The following CHD1L variants were observed in gnomAD, a reference collection of about 807,000 sequenced individuals.
The protein encoded by CHD1L is chromodomain helicase DNA binding protein 1 like.
CHD1L carries 118 observed loss-of-function variants against 115.9 expected under a neutral mutation model. The ratio of observed to expected loss-of-function variants is 1.02; its 90% CI spans 0.88 to 1.19. The LOEUF (loss-of-function observed/expected upper bound fraction) is 1.19. CHD1L is among the 50% of genes most tolerant of loss of function. The pLI, the probability that CHD1L is intolerant of heterozygous loss-of-function variation, is 0.00. For missense variants in CHD1L, 1,179 were observed against 1,065.3 expected, an observed-to-expected ratio of 1.11 and a Z score of -1.49; for synonymous variants, 411 against 387.1, an observed-to-expected ratio of 1.06 and a Z score of -0.72.
At chr1:147,186,767 G>A in the CHD1L span, 2 of 1,460,670 alleles carry the variant, frequency 1.4e-6, no homozygotes, top group Non-Finnish European at 1.8e-6. Flanking sequence ...AAAGGAAAGT[G>A]AATTAATGCT....
intron 1 of CHD1L, among the ~76,000 whole-genome samples, chr1:147,247,731 T>A (rs1553934461): frequency 6.6e-6 from 1 of 152,194 alleles, no homozygotes; most frequent in African/African-American, 2.4e-5. Context: ...TGTCTTTGGG[T>A]ATCAGCAGAG....
chr1:147,212,616 G>T, the CHD1L span: 1 of 1,343,424 alleles, frequency 7.4e-7, no homozygotes, highest in Non-Finnish European at 1.0e-6. Context: ...TTTTTTTGCA[G>T]ACTTAAGTTT....
the CHD1L span, among the ~76,000 whole-genome samples, chr1:147,194,488 G>T: frequency 6.6e-6 from 1 of 152,096 alleles, no homozygotes; most frequent in Non-Finnish European, 1.5e-5. Flanking sequence ...ATTTTAATTG[G>T]AGCATTTAGC....
At chr1:147,190,107 A>G in the CHD1L span, 2 of 1,038,956 alleles carry the variant, frequency 1.9e-6, no homozygotes. Context: ...AGTTAAATAC[A>G]GTACAATATT....
At chr1:147,200,211 G>C in the CHD1L span, among the ~76,000 whole-genome samples, 5,613 of 152,210 alleles carry the variant, frequency 0.037, 147 homozygotes, top group South Asian at 0.095. Context: ...TAACCCTCAA[G>C]ATTTCACTCC....
rs200226258 is a variant in CHD1L, at chr1:147,276,133, G to A, written c.1415G>A (p.Arg472Gln). The change falls in exon 14 of 23, where the codon CGA becomes CAA. Residue 472 changes from arginine to glutamine, a missense_variant. By Grantham distance (43) the Arg-to-Gln change is conservative. Coordinates refer to ENST00000369258, the MANE Select transcript of CHD1L (RefSeq NM_004284.6). ...GTTAAAGTTATTCGGCTGATTGGTC[G>A]AGACACTGTGGAAGAAATAGTCTAT... is the stretch of plus-strand genomic sequence containing the variant. ...KSVKVIRLIGRDTVEEIVYRK... is the reference protein window; with the variant it reads ...KSVKVIRLIGQDTVEEIVYRK... 1.1e-4 allele frequency: 180 copies of A among 1,613,944 alleles called. No homozygotes were observed. Among genetic ancestry groups the A allele is most frequent in the Non-Finnish European group, 1.4e-4 (164 of 1,180,010 alleles).
At chr1:147,186,582 C>A in the CHD1L span, 3 of 1,044,018 alleles carry the variant, frequency 2.9e-6, no homozygotes, top group South Asian at 1.3e-4. Context: ...ATTTGATAAA[C>A]AACAAACATT....
At chr1:147,282,084 A>G (rs1219887745) in intron 15 of CHD1L, among the ~76,000 whole-genome samples, 23 of 152,242 alleles carry the variant, frequency 1.5e-4, no homozygotes, top group Admixed American at 5.2e-4. Context: ...AGTTTCCCCA[A>G]CCGTCTGGTA....
chr1:147,179,075 G>A, the CHD1L span: 3 of 1,614,008 alleles, frequency 1.9e-6, no homozygotes, highest in Non-Finnish European at 2.5e-6. Context: ...AGCACTGCTG[G>A]AGAGATTCCT....
At chr1:147,233,155 C>T in the CHD1L span, among the ~76,000 whole-genome samples, 20 of 152,120 alleles carry the variant, frequency 1.3e-4, no homozygotes, top group South Asian at 4.2e-4. Flanking sequence ...GCTGCGACCC[C>T]GTCTGGGAGG....
chr1:147,195,942 T>C, the CHD1L span, among the ~76,000 whole-genome samples: 1 of 152,140 alleles, frequency 6.6e-6, no homozygotes, highest in African/African-American at 2.4e-5. Context: ...TGGAACATTA[T>C]TGTTTTTATT....
chr1:147,187,391 G>C, the CHD1L span: 1 of 628,726 alleles, frequency 1.6e-6, no homozygotes, highest in South Asian at 2.1e-5. Flanking sequence ...ATTGGTCACT[G>C]TCCTTAAGGA....
At chr1:147,284,215 A>C (rs904692111) in intron 15 of CHD1L, 136 bp from the exon 16 acceptor site, 4 of 625,274 alleles carry the variant, frequency 6.4e-6, no homozygotes, top group Non-Finnish European at 1.1e-5. Flanking sequence ...GGGAAATGAA[A>C]TACCTTCCTT....
At chr1:147,241,904 G>C (rs587709024), upstream of CHD1L, among the ~76,000 whole-genome samples, 28 of 152,184 alleles carry the variant, frequency 1.8e-4, no homozygotes, top group African/African-American at 6.3e-4. Flanking sequence ...TTACAATGTG[G>C]GGACAATTAT....
intron 7 of CHD1L, among the ~76,000 whole-genome samples, chr1:147,265,562 G>C (rs990304856): frequency 6.6e-6 from 1 of 152,166 alleles, no homozygotes; most frequent in Admixed American, 6.5e-5. Context: ...TGGATAAGTT[G>C]CCTAATTTCT....
chr1:147,175,598 T>G, the CHD1L span: 1 of 151,814 alleles, frequency 6.6e-6, no homozygotes, highest in Non-Finnish European at 1.5e-5. Context: ...CTGTGCCACA[T>G]AAGATGAGCT....
intron 2 of CHD1L, among the ~76,000 whole-genome samples, chr1:147,253,900 T>G (rs1433719513): frequency 6.6e-6 from 1 of 152,378 alleles, no homozygotes; most frequent in East Asian, 1.9e-4. Context: ...TTATCAACAT[T>G]GCATAATATT....
At chr1:147,224,512 T>C in the CHD1L span, among the ~76,000 whole-genome samples, 2 of 152,130 alleles carry the variant, frequency 1.3e-5, no homozygotes, top group Non-Finnish European at 2.9e-5. Flanking sequence ...ACTATCTTTT[T>C]TTAATTTTTT....
chr1:147,227,712 C>A, the CHD1L span, among the ~76,000 whole-genome samples: 1 of 152,150 alleles, frequency 6.6e-6, no homozygotes, highest in Non-Finnish European at 1.5e-5. Context: ...TCCAAGATAA[C>A]ATATGAGGCT....
Sources: gnomAD v4.1 joint callset for allele counts (sites outside exome capture counted in the v4.1 genomes callset) on GRCh38, gnomAD v4.1.1 for gene constraint, MANE v1.5 for transcripts, NCBI Gene and HGNC (gene_info 2026-07-23, HGNC 2026-07-21) for gene names.